TMTC4: variants seen among roughly 807,000 people sequenced by gnomAD.
The protein encoded by TMTC4 is transmembrane O-mannosyltransferase targeting cadherins 4, also known as protein O-mannosyl-transferase TMTC4.
Under a neutral mutation model 86.0 loss-of-function variants are expected in TMTC4, and 65 were observed. The ratio of observed to expected loss-of-function variants is 0.76; its 90% confidence interval spans 0.62 to 0.93. The LOEUF (loss-of-function observed/expected upper bound fraction) is 0.93, where lower values mean the gene tolerates loss of function less well. TMTC4 is among the 40% of genes least tolerant of loss of function. The pLI is 0.00. For missense variants in TMTC4, 866 were observed against 948.1 expected (o/e 0.91, Z 1.14); for synonymous variants, 379 against 382.5 (o/e 0.99, Z 0.11).
chr13:100,658,712 C>A lies in TMTC4; in HGVS notation c.553-2244G>T, dbSNP rs117545474. Among the ~76,000 whole-genome samples, 904 of 152,272 alleles carry A rather than the reference C, an allele frequency of 5.9e-3. 3 individuals are homozygous for A. The highest frequency in any genetic ancestry group is 0.01 in the Middle Eastern group (3 of 294). Reference sequence around the variant, plus strand: ...AAAAATGAAATTTAAACATCAAAAGCTTATTTTTACAGAAATGTTTCTTTC... The same window carrying A: ...AAAAATGAAATTTAAACATCAAAAGATTATTTTTACAGAAATGTTTCTTTC... On this transcript the variant is annotated intron_variant, in intron 5 of 18. Transcript: ENST00000342624.
At chr13:100,611,766 T>C (rs1034550576) in intron 17 of TMTC4, among the ~76,000 whole-genome samples, 1 of 152,214 alleles carries the variant, frequency 6.6e-6, no homozygotes, top group African/African-American at 2.4e-5. Flanking sequence ...CAGGGAGTTA[T>C]GCATAGCCTA....
chr13:100,669,326 G>C (rs1035184429), intron 2 of TMTC4, among the ~76,000 whole-genome samples: 2 of 152,108 alleles, frequency 1.3e-5, no homozygotes, highest in East Asian at 1.9e-4. Context: ...ACAGAGACAG[G>C]GGAGTCGAAC....
rs752587380 is a variant in TMTC4, at chr13:100,668,530, A to C, written c.219+49T>G. On this transcript the variant is annotated intron_variant, in intron 3 of 18. Transcript: ENST00000342624. Reference sequence around the variant, plus strand: ...GCAACACATACTTAGATGATTACTGAGACACAGTTGGGCAGTTAAGTTTAC... The same window carrying C: ...GCAACACATACTTAGATGATTACTGCGACACAGTTGGGCAGTTAAGTTTAC... 7 of 1,559,550 alleles carry C rather than the reference A, an allele frequency of 4.5e-6. No homozygotes were observed. The East Asian group carries it at 1.6e-4, about 36-fold the overall frequency.
intron 7 of TMTC4, among the ~76,000 whole-genome samples, chr13:100,640,498 C>T (rs1382894370): frequency 6.6e-6 from 1 of 152,132 alleles, no homozygotes; most frequent in African/African-American, 2.4e-5. Context: ...TGACTTGTAT[C>T]AAGCCCCAGA....
In TMTC4 at chr13:100,638,117, G is replaced by GAACAA. The variant is rs1882518985; in HGVS notation, c.742-96_742-95insTTGTT. The GAACAA allele has an allele frequency of 5.6e-6, 5 of 886,970 alleles. No homozygotes were observed. In the East Asian group the frequency reaches 1.3e-4, roughly 23 times the overall value. The allele number at this position is 886,970 out of a possible 1,614,324, so 54.9% of individuals were successfully genotyped here. On this transcript the variant is annotated intron_variant, in intron 7 of 18. Transcript: ENST00000342624. ...AATTTCATTACTCAATCTAGACAAG[G>GAACAA]AACACATAGACTAGAGAATCACGGA...
intron 3 of TMTC4, among the ~76,000 whole-genome samples, chr13:100,667,134 G>C (rs1365359448): frequency 1.3e-5 from 2 of 152,110 alleles, no homozygotes; most frequent in Admixed American, 6.6e-5. Flanking sequence ...TGAAGAACTT[G>C]AATTAAAAAT....
chr13:100,666,051 T>C (rs923679938), intron 3 of TMTC4: 3 of 456,558 alleles, frequency 6.6e-6, no homozygotes, highest in South Asian at 1.5e-5. Flanking sequence ...GAACAGGAAA[T>C]GAACACCAAC....
chr13:100,659,875 C>G (rs1247743620), intron 5 of TMTC4, among the ~76,000 whole-genome samples: 1 of 147,588 alleles, frequency 6.8e-6, no homozygotes, highest in Non-Finnish European at 1.5e-5. Flanking sequence ...GGAAAATCCC[C>G]AGTCCCAGAA....
At chr13:100,607,471 T>C (rs2153020988) in intron 17 of TMTC4, among the ~76,000 whole-genome samples, 1 of 150,900 alleles carries the variant, frequency 6.6e-6, no homozygotes, top group East Asian at 2.0e-4. Context: ...GAGCCGAGAC[T>C]GCGCCACTGC....
At position 100,639,167 on chromosome 13, in the gene TMTC4, C is replaced by T. The variant is rs571147087; in HGVS notation, c.742-1145G>A. ...GGTCTCTTTAATATGATCTTCTTTG[C>T]GGCAAAGGAGATCACACATCATCAG... On this transcript the variant is annotated intron_variant, in intron 7 of 18. Coordinates refer to ENST00000342624, the MANE Select transcript of TMTC4 (RefSeq NM_032813.5). Among the ~76,000 whole-genome samples the T allele has an allele frequency of 7.9e-5, 12 of 152,254 alleles. No homozygotes were observed. The East Asian group carries it at 1.4e-3, about 17-fold the overall frequency.
At chr13:100,627,440 C>T (rs1880726535) in intron 12 of TMTC4, among the ~76,000 whole-genome samples, 1 of 152,154 alleles carries the variant, frequency 6.6e-6, no homozygotes, top group African/African-American at 2.4e-5. Context: ...CCATCACCGG[C>T]TGAGGGAAGA....
At chr13:100,656,932 T>C (rs1770360) in intron 5 of TMTC4, among the ~76,000 whole-genome samples, 107,777 of 151,464 alleles carry the variant, frequency 0.71, 39,343 homozygotes, top group East Asian at 0.98. Flanking sequence ...TGTGCAATAG[T>C]GCTTGGTGTT....
chr13:100,622,769 T>C (rs1457852153), intron 15 of TMTC4, among the ~76,000 whole-genome samples: 1 of 151,580 alleles, frequency 6.6e-6, no homozygotes, highest in Non-Finnish European at 1.5e-5. Flanking sequence ...TTAGTATTTC[T>C]TTTTTTTTAA....
intron 6 of TMTC4, among the ~76,000 whole-genome samples, chr13:100,644,631 G>C (rs1312420438): frequency 1.3e-5 from 2 of 152,118 alleles, no homozygotes; most frequent in Non-Finnish European, 2.9e-5. Flanking sequence ...TCAGCTTTTT[G>C]GGGGGAGAAT....
chr13:100,670,195 G>C (rs1333291919), intron 2 of TMTC4, 165 bp downstream of exon 2: 1 of 641,552 alleles, frequency 1.6e-6, no homozygotes, highest in Non-Finnish European at 2.5e-6. Flanking sequence ...CCCCTGATTG[G>C]GAAGGCAGTT....
At chr13:100,612,339 AC>A (rs1877721261) in intron 17 of TMTC4, 58 bp downstream of exon 17, 2 of 1,297,566 alleles carry the variant, frequency 1.5e-6, no homozygotes, top group South Asian at 1.3e-5. Context: ...AGTAACACTT[AC>A]GTCTTCTGTC....
intron 8 of TMTC4, 87 bp downstream of exon 8, chr13:100,637,843 C>A: frequency 1.3e-6 from 2 of 1,534,228 alleles, no homozygotes; most frequent in Non-Finnish European, 1.8e-6. Context: ...AATTCAAAAT[C>A]ACAAGGAATA....
At chr13:100,613,411 G>A (rs1170732619) in intron 16 of TMTC4, among the ~76,000 whole-genome samples, 2 of 152,210 alleles carry the variant, frequency 1.3e-5, no homozygotes, top group African/African-American at 2.4e-5. Flanking sequence ...ACTCCTAATT[G>A]ATTGAATCTG....
In TMTC4 at chr13:100,605,069, G is replaced by A. The variant is rs1876362801; in HGVS notation, c.2208C>T (p.Pro736=). ...KHYEISLQLD[P]TASGTKENYG... ...AATTCTCCTTAGTTCCTGATGCCGT[G>A]GGGTCAAGCTGCAAGGAGATTTCAT... Residue 736 remains proline (P), a synonymous_variant, in exon 19 of 19, where the codon CCC becomes CCT. Coordinates refer to ENST00000342624, the MANE Select transcript of TMTC4 (RefSeq NM_032813.5). This position sits in a 1 kb window ranked among gnomAD's most constrained non-coding sequence, Gnocchi z 4.3. 6.2e-7 allele frequency: 1 copy of A among 1,614,038 alleles called. No homozygotes were observed. Among genetic ancestry groups the A allele is most frequent in the East Asian group, 2.2e-5 (1 of 44,856 alleles).
Sources: gnomAD v4.1 joint callset for allele counts (sites outside exome capture counted in the v4.1 genomes callset) on GRCh38, gnomAD v4.1.1 for gene constraint, Gnocchi (gnomAD v3.1) non-coding constraint, MANE v1.5 for transcripts, NCBI Gene and HGNC (gene_info 2026-07-23, HGNC 2026-07-21) for gene names.